NEBL: variants seen among roughly 807,000 people sequenced by gnomAD.
NEBL encodes LIM and SH3 protein 2.
Under a neutral mutation model 140.2 loss-of-function variants are expected in NEBL, and 122 were observed. The ratio of observed to expected loss-of-function variants is 0.87; its 90% CI spans 0.75 to 1.01. The LOEUF is 1.01. Ranked by LOEUF, NEBL falls within the 50% of genes least tolerant of loss-of-function variation. The pLI, the probability that NEBL is intolerant of heterozygous loss-of-function variation, is 0.00. For synonymous variants in NEBL, 436 were observed against 398.9 expected (o/e 1.09, Z -1.11); for missense variants, 1,365 against 1,231.3 (o/e 1.11, Z -1.62).
At chr10:21,038,975 T>C (rs1420710916) in intron 2 of NEBL, among the ~76,000 whole-genome samples, 1 of 152,172 alleles carries the variant, frequency 6.6e-6, no homozygotes, top group East Asian at 1.9e-4. Context: ...AAGATGAGCT[T>C]TCCTTCATAT....
At chr10:21,163,654 T>C (rs975149906) in intron 2 of NEBL, among the ~76,000 whole-genome samples, 21 of 152,362 alleles carry the variant, frequency 1.4e-4, no homozygotes, top group Admixed American at 1.1e-3. Flanking sequence ...CTGCCTTTGA[T>C]GGATAATGAG....
intron 4 of NEBL, among the ~76,000 whole-genome samples, chr10:20,885,131 A>C (rs1846388617): frequency 6.6e-6 from 1 of 152,238 alleles, no homozygotes; most frequent in African/African-American, 2.4e-5. Context: ...GAATGTCATT[A>C]AATTTCTGAA....
chr10:20,944,986 T>C (rs1222470430), intron 4 of NEBL, among the ~76,000 whole-genome samples: 1 of 152,180 alleles, frequency 6.6e-6, no homozygotes, highest in African/African-American at 2.4e-5. Context: ...TTAAGCACTC[T>C]CAATATTTAA....
chr10:20,838,051 A>G (rs779789998), intron 13 of NEBL, among the ~76,000 whole-genome samples: 15 of 152,202 alleles, frequency 9.9e-5, no homozygotes, highest in Non-Finnish European at 1.8e-4. Flanking sequence ...CTGCTACTCA[A>G]CATCCATTCT....
chr10:21,138,965 C>A (rs1045425380), intron 2 of NEBL, among the ~76,000 whole-genome samples: 2 of 152,122 alleles, frequency 1.3e-5, no homozygotes, highest in Non-Finnish European at 2.9e-5. Context: ...ATAACAGCCA[C>A]TATCCATGAC....
chr10:21,241,287 A>T (rs1340422176), intron 3 of NEBL, among the ~76,000 whole-genome samples: 1 of 145,822 alleles, frequency 6.9e-6, no homozygotes, highest in South Asian at 2.2e-4. Context: ...TAAATAAATA[A>T]AAATAAAAAT....
At chr10:21,185,716 C>T (rs756328838) in intron 3 of NEBL, among the ~76,000 whole-genome samples, 9 of 151,836 alleles carry the variant, frequency 5.9e-5, no homozygotes, top group Admixed American at 2.0e-4. Context: ...AGGCTGGTCT[C>T]GAACTCCTGA....
intron 2 of NEBL, among the ~76,000 whole-genome samples, chr10:20,890,620 T>C (rs1006382733): frequency 2.0e-5 from 3 of 152,174 alleles, no homozygotes; most frequent in African/African-American, 7.2e-5. Context: ...GCCTTCTTGC[T>C]GGAGATCAGC....
At chr10:21,260,523 C>T (rs905111509) in intron 1 of NEBL, among the ~76,000 whole-genome samples, 7 of 152,176 alleles carry the variant, frequency 4.6e-5, no homozygotes, top group African/African-American at 1.7e-4. Flanking sequence ...GAGTTATAAA[C>T]TGCCCTTGAT....
intron 4 of NEBL, among the ~76,000 whole-genome samples, chr10:20,910,725 T>A (rs1179542468): frequency 2.6e-5 from 4 of 152,214 alleles, no homozygotes; most frequent in African/African-American, 9.6e-5. Flanking sequence ...TTTATCTACC[T>A]ATCTACTAAT....
intron 4 of NEBL, among the ~76,000 whole-genome samples, chr10:20,926,583 C>A (rs772241375): frequency 5.9e-5 from 9 of 152,134 alleles, no homozygotes; most frequent in African/African-American, 2.2e-4. Context: ...TCCTTAGGGG[C>A]ATATTACTAT....
chr10:20,799,849 A>G (rs371904337), intron 26 of NEBL, among the ~76,000 whole-genome samples: 6 of 152,300 alleles, frequency 3.9e-5, no homozygotes, highest in African/African-American at 1.4e-4. Context: ...AGTTTACAAC[A>G]TGATGGTATG....
chr10:21,272,276 T>A (rs1337220369), intron 1 of NEBL, among the ~76,000 whole-genome samples: 2 of 151,526 alleles, frequency 1.3e-5, no homozygotes, highest in Admixed American at 6.6e-5. Context: ...ATATAAAAAA[T>A]TTTTACGTGT....
At chr10:20,807,145 C>T (rs916034796) in intron 26 of NEBL, among the ~76,000 whole-genome samples, 7 of 151,908 alleles carry the variant, frequency 4.6e-5, no homozygotes, top group Non-Finnish European at 8.8e-5. Context: ...GACAACATTG[C>T]GAGACCCCCG....
At chr10:21,126,158 C>T in intron 2 of NEBL, 1 of 1,580,714 alleles carries the variant, frequency 6.3e-7, no homozygotes, top group Non-Finnish European at 8.6e-7. Context: ...GTTCTTCAAG[C>T]CTGGTACCCC....
intron 2 of NEBL, among the ~76,000 whole-genome samples, chr10:21,066,092 A>C (rs1481621665): frequency 2.0e-5 from 3 of 152,170 alleles, no homozygotes; most frequent in African/African-American, 7.2e-5. Flanking sequence ...GCTGGATGGA[A>C]ATGGAAGAGA....
rs1187772112 is a variant in NEBL at position 21,029,891 on chromosome 10, G to T, written c.165-9690C>A. On this transcript the variant is annotated intron_variant, in intron 2 of 6. Coordinates refer to the NEBL transcript ENST00000417816. ...AATGACTACAGAGGAGGCAGGGACC[G>T]CTATGAAGACCGATACAACAGATGG... The T allele has an allele frequency of 1.1e-5, 7 of 641,710 alleles. No homozygotes were observed. The South Asian group carries it at 1.2e-4, about 11-fold the overall frequency. 39.8% of individuals were successfully genotyped at this position (641,710 alleles called of 1,614,324 possible). A position where few individuals can be genotyped will look rare whatever the true frequency, so the allele number is the denominator to read the frequency against.
At chr10:20,852,241 T>G (rs1265846819) in intron 10 of NEBL, among the ~76,000 whole-genome samples, 1 of 152,132 alleles carries the variant, frequency 6.6e-6, no homozygotes. Flanking sequence ...CTAGAAAAAT[T>G]TAAATCATCA....
chr10:21,043,174 C>T (rs1043046885), intron 2 of NEBL, among the ~76,000 whole-genome samples: 1 of 152,216 alleles, frequency 6.6e-6, no homozygotes, highest in African/African-American at 2.4e-5. Context: ...GATATCCCAG[C>T]AACAGCCTTT....
Sources: gnomAD v4.1 joint callset for allele counts (sites outside exome capture counted in the v4.1 genomes callset) on GRCh38, gnomAD v4.1.1 for gene constraint, MANE v1.5 for transcripts, NCBI Gene and HGNC (gene_info 2026-07-23, HGNC 2026-07-21) for gene names.